ADGRE3: variants seen among roughly 807,000 people sequenced by gnomAD.
The protein encoded by ADGRE3 is EGF-like module receptor 3.
ADGRE3 carries 88 observed loss-of-function variants against 80.1 expected under a neutral mutation model. The observed-to-expected ratio is 1.10, with a 90% confidence interval of 0.93 to 1.31. The LOEUF is 1.31. ADGRE3 is among the 40% of genes most tolerant of loss of function. ADGRE3 has a pLI of 0.00. For synonymous variants in ADGRE3, 281 were observed against 294.8 expected (o/e 0.95, Z 0.48); for missense variants, 715 against 776.5 (o/e 0.92, Z 0.94).
At position 14,649,200 on chromosome 19, in the gene ADGRE3, C is replaced by T. The variant is rs567407052; in HGVS notation, c.698-1835G>A. ...TCTTTCCACCTCTCTCCCTCTCTCTCTTTTCATCTCTCTCTCCCCATCTCT... is the reference window on the plus strand; with the variant it reads ...TCTTTCCACCTCTCTCCCTCTCTCTTTTTTCATCTCTCTCTCCCCATCTCT... On this transcript the variant is annotated intron_variant, in intron 7 of 15. Transcript: ENST00000253673. Among the ~76,000 whole-genome samples the T allele has an allele frequency of 2.0e-5, 3 of 149,172 alleles. No individual in the cohort carries two copies. The South Asian group carries it at 6.5e-4, about 32-fold the overall frequency.
At chr19:14,630,743 T>C (rs886591088) in intron 13 of ADGRE3, among the ~76,000 whole-genome samples, 3 of 152,022 alleles carry the variant, frequency 2.0e-5, no homozygotes, top group Non-Finnish European at 4.4e-5. Flanking sequence ...AATTGTCCTA[T>C]TTCGTGGGGT....
chr19:14,648,575 T>C lies in ADGRE3; in HGVS notation c.698-1210A>G, dbSNP rs906959299. Among the ~76,000 whole-genome samples the C allele has an allele frequency of 4.6e-5, 7 of 152,212 alleles. No individual in the cohort carries two copies. The East Asian group carries it at 7.7e-4, about 17-fold the overall frequency. On this transcript the variant is annotated intron_variant, in intron 7 of 15. Coordinates refer to ENST00000253673, the MANE Select transcript of ADGRE3 (RefSeq NM_032571.5). ...ACCTACTGTGATAGTTCATTTTACATGTCCACTTGGTTAGGCCATGGTCCC... is the reference window on the plus strand; with the variant it reads ...ACCTACTGTGATAGTTCATTTTACACGTCCACTTGGTTAGGCCATGGTCCC...
chr19:14,673,216 A>T (rs1972304177), intron 1 of ADGRE3, among the ~76,000 whole-genome samples: 1 of 152,252 alleles, frequency 6.6e-6, no homozygotes, highest in Non-Finnish European at 1.5e-5. Flanking sequence ...CTGCCTCTGC[A>T]GCAGAATAGC....
At chr19:14,633,070 T>C in intron 12 of ADGRE3, 58 bp from the exon 13 acceptor site, 1 of 1,435,478 alleles carries the variant, frequency 7.0e-7, no homozygotes, top group Non-Finnish European at 9.8e-7. Context: ...TGGTGTCCAC[T>C]TTAAATTGCA....
chr19:14,661,868 G>T, intron 4 of ADGRE3, 95 bp downstream of exon 4: 1 of 1,377,842 alleles, frequency 7.3e-7, no homozygotes, highest in Non-Finnish European at 1.0e-6. Context: ...CTGGGCTACA[G>T]AGCGAGACTC....
chr19:14,617,370 C>CTT (rs1295219237), downstream of ADGRE3, among the ~76,000 whole-genome samples: 3 of 93,732 alleles, frequency 3.2e-5, no homozygotes, highest in African/African-American at 4.2e-5. Context: ...TTCTTTCTTT[C>CTT]TTTCTTCCTT....
At chr19:14,607,490 A>T in the ADGRE3 span, among the ~76,000 whole-genome samples, 1 of 151,682 alleles carries the variant, frequency 6.6e-6, no homozygotes, top group Non-Finnish European at 1.5e-5. Flanking sequence ...GGCGTGAGCC[A>T]CCGCGCCCGG....
intron 13 of ADGRE3, among the ~76,000 whole-genome samples, chr19:14,632,119 A>T (rs916733051): frequency 6.6e-6 from 1 of 152,204 alleles, no homozygotes; most frequent in South Asian, 2.1e-4. Context: ...GGAGATAAAC[A>T]TTTAAATTGG....
At chr19:14,651,280 T>C (rs549368264) in intron 6 of ADGRE3, 76 bp from the exon 7 acceptor site, 4 of 1,517,102 alleles carry the variant, frequency 2.6e-6, no homozygotes, top group South Asian at 1.1e-5. Flanking sequence ...CAGGACATGG[T>C]GGTGCATGCC....
chr19:14,637,905 C>T (rs1971141081), intron 11 of ADGRE3, among the ~76,000 whole-genome samples, 200 bp downstream of exon 11: 1 of 148,676 alleles, frequency 6.7e-6, no homozygotes, highest in Non-Finnish European at 1.5e-5. Flanking sequence ...GCATATGAAC[C>T]TGTTGGTTGT....
chr19:14,618,910 G>T (rs1039805847), downstream of ADGRE3, among the ~76,000 whole-genome samples: 1 of 147,576 alleles, frequency 6.8e-6, no homozygotes, highest in Non-Finnish European at 1.5e-5. Context: ...CCAGTAGGAA[G>T]CTGATGGTTT....
the ADGRE3 span, chr19:14,610,123 A>T: frequency 1.9e-6 from 3 of 1,611,370 alleles, no homozygotes; most frequent in Non-Finnish European, 2.5e-6. Context: ...ACCATGAACA[A>T]AGGTGGCACC....
the ADGRE3 span, among the ~76,000 whole-genome samples, chr19:14,608,014 T>G: frequency 0.72 from 109,803 of 151,816 alleles, 40,182 homozygotes; most frequent in African/African-American, 0.83. Flanking sequence ...GGGACCACAG[T>G]CACACACCAC....
At position 14,664,957 on chromosome 19, in the gene ADGRE3, G is replaced by C. The variant is rs138989227; in HGVS notation, c.77-1417C>G. On this transcript the variant is annotated intron_variant, in intron 2 of 15. Transcript: ENST00000253673. ...ACATATGTGCATCATTTTTCTTTAC[G>C]TTATAGGAACATATTACACATACTG... Among the ~76,000 whole-genome samples, 661 of 150,446 alleles carry C rather than the reference G, an allele frequency of 4.4e-3. 6 individuals carry two copies. Among genetic ancestry groups the C allele is most frequent in the African/African-American group, 0.015 (616 of 40,918 alleles).
At chr19:14,647,104 A>T in intron 8 of ADGRE3, 77 bp downstream of exon 8, 1 of 1,238,678 alleles carries the variant, frequency 8.1e-7, no homozygotes, top group Non-Finnish European at 1.2e-6. Context: ...GTCTAGAACC[A>T]CAGCCTGGGA....
At chr19:14,669,150 C>T (rs1017398199) in intron 1 of ADGRE3, among the ~76,000 whole-genome samples, 6 of 152,110 alleles carry the variant, frequency 3.9e-5, no homozygotes, top group Admixed American at 6.6e-5. Flanking sequence ...AGGCAAGTCA[C>T]GGAGCCAACC....
At chr19:14,631,814 A>G (rs969166878) in intron 13 of ADGRE3, among the ~76,000 whole-genome samples, 1 of 152,148 alleles carries the variant, frequency 6.6e-6, no homozygotes, top group Non-Finnish European at 1.5e-5. Flanking sequence ...AAGCTCTGGG[A>G]AAATGTCATA....
At chr19:14,654,266 T>A (rs1211096075) in intron 6 of ADGRE3, among the ~76,000 whole-genome samples, 1 of 150,458 alleles carries the variant, frequency 6.6e-6, no homozygotes, top group South Asian at 2.1e-4. Flanking sequence ...AACCTGTTTT[T>A]TTTTTTTTTT....
At chr19:14,631,296 A>G (rs964889303) in intron 13 of ADGRE3, among the ~76,000 whole-genome samples, 42 of 152,276 alleles carry the variant, frequency 2.8e-4, no homozygotes, top group African/African-American at 9.9e-4. Flanking sequence ...TGATTTGATC[A>G]TTGCACATTT....
Sources: gnomAD v4.1 joint callset for allele counts (sites outside exome capture counted in the v4.1 genomes callset) on GRCh38, gnomAD v4.1.1 for gene constraint, MANE v1.5 for transcripts, NCBI Gene and HGNC (gene_info 2026-07-23, HGNC 2026-07-21) for gene names.